Variants in FAM227B observed in about 807,000 individuals in gnomAD.
FAM227B encodes family with sequence similarity 227 member B.
Under a neutral mutation model 73.8 loss-of-function variants are expected in FAM227B, and 88 were observed. That is an observed-to-expected ratio of 1.19 (90% CI 1.00 to 1.42). The LOEUF (loss-of-function observed/expected upper bound fraction) is 1.42, where lower values mean the gene tolerates loss of function less well. FAM227B is among the 40% of genes most tolerant of loss of function. The probability of loss-of-function intolerance (pLI) is 0.00; values close to 1 mark genes in which losing one functional copy is unlikely to be tolerated. For synonymous variants in FAM227B, 210 were observed against 190.5 expected (o/e 1.10, Z -0.84); for missense variants, 632 against 590.9 (o/e 1.07, Z -0.72).
chr15:49,611,482 G>GA (rs1422450458), intron 2 of FAM227B, among the ~76,000 whole-genome samples: 8 of 152,042 alleles, frequency 5.3e-5, no homozygotes, highest in African/African-American at 1.9e-4. Context: ...TTTTGTAATA[G>GA]GCTTCCCTCT....
chr15:49,567,316 T>C (rs1279781068), intron 9 of FAM227B, among the ~76,000 whole-genome samples: 1 of 152,130 alleles, frequency 6.6e-6, no homozygotes. Flanking sequence ...AATCAACCTC[T>C]TCATGTGATA....
chr15:49,466,150 G>A (rs1274196126), intron 11 of FAM227B, among the ~76,000 whole-genome samples: 2 of 152,200 alleles, frequency 1.3e-5, no homozygotes, highest in Non-Finnish European at 2.9e-5. Context: ...TTCAATTTGG[G>A]TACTCAGGTA....
At position 49,327,223 on chromosome 15, in the gene FAM227B, C is replaced by T. The variant is rs1272165092; in HGVS notation, c.*1345G>A. On this transcript the variant is annotated 3_prime_UTR_variant, in exon 16 of 16. Coordinates refer to ENST00000299338, the MANE Select transcript of FAM227B (RefSeq NM_152647.3). ...TTGTTGTCATCCCAATCAGATATAT[C>T]TCATCTGATGTCAACTTCTGAGTCC... The T allele has an allele frequency of 6.6e-6, 1 of 152,202 alleles. No homozygotes were observed. The highest frequency in any genetic ancestry group is 1.5e-5 in the Non-Finnish European group (1 of 68,046). 9.4% of individuals were successfully genotyped at this position (152,202 alleles called of 1,614,324 possible).
intron 11 of FAM227B, among the ~76,000 whole-genome samples, chr15:49,451,815 G>A (rs982626154): frequency 1.1e-4 from 17 of 152,050 alleles, no homozygotes; most frequent in African/African-American, 3.9e-4. Context: ...AATCAAGAGC[G>A]GTCAAGTAAA....
rs532522752 is a variant in FAM227B at position 49,570,900 on chromosome 15, T to C, written c.646-2554A>G. 2.0e-5 allele frequency among the ~76,000 whole-genome samples: 3 copies of C among 147,710 alleles called. No homozygotes were observed. The South Asian group carries it at 6.3e-4, about 31-fold the overall frequency. On this transcript the variant is annotated intron_variant, in intron 8 of 15. Coordinates refer to ENST00000299338, the MANE Select transcript of FAM227B (RefSeq NM_152647.3). The stretch of plus-strand genomic sequence containing the variant: ...GCATTTATATAATTTATTAATATTA[T>C]TATGAATATATTTAATATTACACAT...
intron 5 of FAM227B, among the ~76,000 whole-genome samples, chr15:49,585,855 T>C: frequency 6.6e-6 from 1 of 151,786 alleles, no homozygotes; most frequent in South Asian, 2.1e-4. Context: ...TAAAATTAAA[T>C]TAAATTGAAA....
intron 9 of FAM227B, among the ~76,000 whole-genome samples, chr15:49,550,218 C>G (rs1237864789): frequency 4.0e-5 from 6 of 148,248 alleles, no homozygotes; most frequent in African/African-American, 1.5e-4. Context: ...CTGACCCCCC[C>G]ACCTCCCTCC....
Position 49,371,354 on chromosome 15 carries a change from T to G in FAM227B, c.1058A>C (p.Tyr353Ser). ...TTCTTCCTTGGATATGGGCAACGTA[T>G]ATGCTCTTGGGTTGTTCAGAATCTT... Reference protein sequence around the residue: ...IIKILNNPRAYTLPISKEESR... With the variant: ...IIKILNNPRASTLPISKEESR... Residue 353 changes from tyrosine to serine, a missense_variant, in exon 12 of 16, where the codon TAT (tyrosine) becomes TCT (serine). Physicochemically the swap from Tyr to Ser is moderately radical, Grantham distance 144. Transcript: ENST00000299338. 6.2e-7 allele frequency: 1 copy of G among 1,604,916 alleles called. No individual in the cohort carries two copies. Among genetic ancestry groups the G allele is most frequent in the Non-Finnish European group, 8.5e-7 (1 of 1,173,390 alleles).
intron 11 of FAM227B, among the ~76,000 whole-genome samples, chr15:49,504,598 T>A (rs1459650293): frequency 2.6e-5 from 4 of 152,028 alleles, no homozygotes; most frequent in African/African-American, 9.7e-5. Context: ...ATGTGCATGT[T>A]AAAGTTTAAA....
In FAM227B at chr15:49,415,961, A is replaced by T. The variant is rs892798973; in HGVS notation, c.1013-44562T>A. The stretch of plus-strand genomic sequence containing the variant: ...ATCAAGTTTGGGTTGACGTGTCCAT[A>T]CTACAGCCTCCTTTTATATTAATAC... On this transcript the variant is annotated intron_variant, in intron 11 of 15. Transcript: ENST00000299338. Among the ~76,000 whole-genome samples, 3 of 152,162 alleles carry T rather than the reference A, an allele frequency of 2.0e-5. No homozygotes were observed. In the South Asian group the frequency reaches 6.2e-4, roughly 31 times the overall value.
chr15:49,354,056 T>C (rs1170959750), intron 13 of FAM227B: 1 of 152,220 alleles, frequency 6.6e-6, no homozygotes, highest in South Asian at 2.1e-4. Context: ...GAGTTCTTTT[T>C]TTCACTGTTG....
At chr15:49,516,571 C>A (rs1317323072) in intron 10 of FAM227B, among the ~76,000 whole-genome samples, 1 of 151,906 alleles carries the variant, frequency 6.6e-6, no homozygotes, top group African/African-American at 2.4e-5. Context: ...TATCTAAATC[C>A]TAGGCAGAAG....
intron 11 of FAM227B, among the ~76,000 whole-genome samples, chr15:49,504,151 T>C (rs1430489413): frequency 1.3e-5 from 2 of 151,830 alleles, no homozygotes; most frequent in Non-Finnish European, 2.9e-5. Flanking sequence ...ACGGAAACCA[T>C]CATTCTCAGC....
intron 5 of FAM227B, among the ~76,000 whole-genome samples, chr15:49,584,986 A>G (rs2076057051): frequency 6.6e-6 from 1 of 152,194 alleles, no homozygotes; most frequent in Non-Finnish European, 1.5e-5. Flanking sequence ...AACTCAAACA[A>G]ATTACAAGAA....
chr15:49,409,885 G>C (rs1196672682), intron 11 of FAM227B, among the ~76,000 whole-genome samples: 1 of 152,062 alleles, frequency 6.6e-6, no homozygotes, highest in Non-Finnish European at 1.5e-5. Context: ...GTTATGTAAG[G>C]CTTTAATATA....
In FAM227B at chr15:49,329,763, T is replaced by C. The variant is rs1450461825; in HGVS notation, c.1420-1088A>G. On this transcript the variant is annotated intron_variant, in intron 15 of 15. Transcript: ENST00000299338. Reference sequence around the variant, plus strand: ...ATACCGTGCCATTTTCCACAAAGGATTTGTGGTTGGTATATAATTCTTTAA... The same window carrying C: ...ATACCGTGCCATTTTCCACAAAGGACTTGTGGTTGGTATATAATTCTTTAA... 3.1e-6 allele frequency: 3 copies of C among 970,902 alleles called. No homozygotes were observed. The East Asian group carries it at 3.4e-4, about 112-fold the overall frequency. The allele number at this position is 970,902 out of a possible 1,614,324, so 60.1% of individuals were successfully genotyped here.
chr15:49,328,310 G>GCTCT lies in FAM227B; in HGVS notation c.*254_*257dup. ...TATATTTTCAAAGAAATGGTTGAAA[G>GCTCT]CTCTCTATGCTTCATAATGATTCTT... On this transcript the variant is annotated 3_prime_UTR_variant, in exon 16 of 16. Coordinates refer to ENST00000299338, the MANE Select transcript of FAM227B (RefSeq NM_152647.3). The GCTCT allele has an allele frequency of 2.8e-6, 4 of 1,433,384 alleles. No homozygotes were observed. The East Asian group carries it at 7.5e-5, about 27-fold the overall frequency. 88.8% of individuals were successfully genotyped at this position (1,433,384 alleles called of 1,614,324 possible).
Position 49,328,371 on chromosome 15 carries a change from C to G in FAM227B, c.*197G>C, listed in dbSNP as rs2037890331. The G allele has an allele frequency of 7.0e-7, 1 of 1,428,552 alleles. No homozygotes were observed. The highest frequency in any genetic ancestry group is 2.9e-5 in the Admixed American group (1 of 34,668). 88.5% of individuals were successfully genotyped at this position (1,428,552 alleles called of 1,614,324 possible). ...AAAATATGGTTTTACTATTAAGAGC[C>G]AAGATCATGCTTGGACAGATCTTTT... On this transcript the variant is annotated 3_prime_UTR_variant, in exon 16 of 16. Transcript: ENST00000299338.
At position 49,335,498 on chromosome 15, in the gene FAM227B, T is replaced by C; in HGVS notation, c.1272-2A>G. ...TCACGGTATGTTGGAGCAGGTAGTG[T>C]GCTAGGCTTATTATTAAGGAATGAT... On this transcript the variant is annotated splice_acceptor_variant, in intron 13 of 15. Coordinates refer to ENST00000299338, the MANE Select transcript of FAM227B (RefSeq NM_152647.3). LOFTEE classifies it high-confidence loss of function. The C allele has an allele frequency of 6.2e-7, 1 of 1,610,390 alleles. No homozygotes were observed. Among genetic ancestry groups the C allele is most frequent in the Admixed American group, 1.7e-5 (1 of 59,992 alleles).
Sources: gnomAD v4.1 joint callset for allele counts (sites outside exome capture counted in the v4.1 genomes callset) on GRCh38, gnomAD v4.1.1 for gene constraint, MANE v1.5 for transcripts, NCBI Gene and HGNC (gene_info 2026-07-23, HGNC 2026-07-21) for gene names.